AIG1: variants seen among roughly 807,000 people sequenced by gnomAD.
The protein encoded by AIG1 is androgen-induced gene 1 protein.
In AIG1, 23 loss-of-function variants were observed where a neutral mutation model predicts 31.4. That is an observed-to-expected ratio of 0.73 (90% CI 0.53 to 1.04). AIG1 has a LOEUF of 1.04. Among genes scored for constraint, AIG1 ranks in the 50% least tolerant of loss-of-function variants. AIG1 has a pLI of 0.00. For missense variants in AIG1, 274 were observed against 295.0 expected, an observed-to-expected ratio of 0.93 and a Z score of 0.52; for synonymous variants, 100 against 110.5, an observed-to-expected ratio of 0.90 and a Z score of 0.60.
At chr6:143,343,156 C>T, downstream of AIG1, 1 of 743,896 alleles carries the variant, frequency 1.3e-6, no homozygotes, top group Non-Finnish European at 2.5e-6. Context: ...CCAATGTTCA[C>T]ATTCACAGCA....
intron 3 of AIG1, among the ~76,000 whole-genome samples, chr6:143,238,010 A>G (rs1793941764): frequency 6.6e-6 from 1 of 152,108 alleles, no homozygotes; most frequent in African/African-American, 2.4e-5. Flanking sequence ...GCACGATCTC[A>G]GCTCACTGCA....
At chr6:143,118,107 T>G (rs1166067420) in intron 1 of AIG1, among the ~76,000 whole-genome samples, 2 of 152,158 alleles carry the variant, frequency 1.3e-5, no homozygotes, top group African/African-American at 4.8e-5. Context: ...ACAAAAGCAA[T>G]GTAGGTCCAC....
chr6:143,113,325 C>T (rs191539782), intron 1 of AIG1, among the ~76,000 whole-genome samples: 5 of 152,158 alleles, frequency 3.3e-5, no homozygotes, highest in South Asian at 4.1e-4. Context: ...AGATTTCTGG[C>T]GGGGCGTGGG....
intron 3 of AIG1, among the ~76,000 whole-genome samples, chr6:143,257,637 A>G (rs909005895): frequency 3.3e-5 from 5 of 152,022 alleles, no homozygotes; most frequent in Non-Finnish European, 7.4e-5. Context: ...AACATTTCCA[A>G]CCCTAAATGG....
chr6:143,247,859 G>A (rs187900405), intron 3 of AIG1, among the ~76,000 whole-genome samples: 6 of 152,242 alleles, frequency 3.9e-5, no homozygotes, highest in Admixed American at 3.9e-4. Flanking sequence ...TAAATGTTAG[G>A]ACCTGGTTTG....
At chr6:143,320,340 T>A (rs1473947214) in intron 4 of AIG1, among the ~76,000 whole-genome samples, 1 of 152,206 alleles carries the variant, frequency 6.6e-6, no homozygotes, top group East Asian at 1.9e-4. Flanking sequence ...AACTACCATA[T>A]GATCCAGGAT....
At chr6:143,306,623 T>A (rs1583815034) in intron 4 of AIG1, among the ~76,000 whole-genome samples, 1 of 152,250 alleles carries the variant, frequency 6.6e-6, no homozygotes, top group African/African-American at 2.4e-5. Context: ...TCTCTCTGGC[T>A]TCCCTTAACA....
At chr6:143,262,193 G>A (rs1795825599) in intron 3 of AIG1, among the ~76,000 whole-genome samples, 1 of 152,190 alleles carries the variant, frequency 6.6e-6, no homozygotes, top group Non-Finnish European at 1.5e-5. Flanking sequence ...AAAACCACTT[G>A]TAAATTTAAA....
At chr6:143,247,951 T>C (rs992850276) in intron 3 of AIG1, among the ~76,000 whole-genome samples, 12 of 152,182 alleles carry the variant, frequency 7.9e-5, no homozygotes, top group African/African-American at 2.9e-4. Flanking sequence ...AGAGCCTCAC[T>C]GAACACCGTC....
intron 1 of AIG1, among the ~76,000 whole-genome samples, chr6:143,109,848 T>A (rs1008072405): frequency 7.2e-5 from 11 of 152,324 alleles, no homozygotes; most frequent in Admixed American, 7.2e-4. Context: ...CTTTATGACA[T>A]CTTTTGATCA....
intron 3 of AIG1, among the ~76,000 whole-genome samples, chr6:143,194,379 G>A (rs1279721483): frequency 2.6e-5 from 4 of 152,140 alleles, no homozygotes; most frequent in Non-Finnish European, 5.9e-5. Context: ...CACCACCCAC[G>A]AGTTCCCTCC....
chr6:143,234,473 G>T (rs929732792), intron 3 of AIG1, among the ~76,000 whole-genome samples: 1 of 152,194 alleles, frequency 6.6e-6, no homozygotes, highest in African/African-American at 2.4e-5. Context: ...CCCCCACCTG[G>T]TTGGGAGCAT....
chr6:143,281,409 T>C (rs1487143138), intron 3 of AIG1, among the ~76,000 whole-genome samples: 1 of 152,238 alleles, frequency 6.6e-6, no homozygotes, highest in African/African-American at 2.4e-5. Flanking sequence ...GCTGTTCTTA[T>C]GCAGTGATGA....
intron 4 of AIG1, among the ~76,000 whole-genome samples, chr6:143,302,186 T>G (rs541340878): frequency 6.6e-6 from 1 of 151,876 alleles, no homozygotes; most frequent in African/African-American, 2.4e-5. Flanking sequence ...CACTTTTATT[T>G]TTTTATTTTT....
At chr6:143,267,225 C>T (rs938316683) in intron 3 of AIG1, among the ~76,000 whole-genome samples, 31 of 152,200 alleles carry the variant, frequency 2.0e-4, no homozygotes, top group African/African-American at 7.5e-4. Flanking sequence ...AAAGGGTCCT[C>T]TGAAGCCACG....
At chr6:143,270,000 G>A (rs1246427306) in intron 3 of AIG1, among the ~76,000 whole-genome samples, 1 of 152,182 alleles carries the variant, frequency 6.6e-6, no homozygotes, top group Non-Finnish European at 1.5e-5. Context: ...AGTTTATATA[G>A]TGAAGGAAGA....
intron 3 of AIG1, among the ~76,000 whole-genome samples, chr6:143,261,292 C>G (rs971465230): frequency 6.6e-6 from 1 of 152,134 alleles, no homozygotes; most frequent in African/African-American, 2.4e-5. Context: ...CCACCATGCA[C>G]GGGTTATTTT....
chr6:143,324,098 C>T (rs927583237), intron 4 of AIG1, among the ~76,000 whole-genome samples: 3 of 152,164 alleles, frequency 2.0e-5, no homozygotes, highest in Non-Finnish European at 4.4e-5. Context: ...ATATCTTATC[C>T]CACCCTGGGG....
At position 143,330,079 on chromosome 6, in the gene AIG1, A is replaced by T. The variant is rs1776951547; in HGVS notation, c.516-3203A>T. On this transcript the variant is annotated intron_variant, in intron 4 of 5. Coordinates refer to ENST00000357847, the MANE Select transcript of AIG1 (RefSeq NM_016108.4). The surrounding 1 kb of genome is among the most constrained non-coding windows in gnomAD (Gnocchi z 4.4). ...CATATAGTAATGGCTCAATAAACAGATGTTGCTGTTTATATTCCTTCATTA... is the reference window on the plus strand; with the variant it reads ...CATATAGTAATGGCTCAATAAACAGTTGTTGCTGTTTATATTCCTTCATTA... Among the ~76,000 whole-genome samples the T allele has an allele frequency of 6.6e-6, 1 of 152,178 alleles. No homozygotes were observed. Among genetic ancestry groups the T allele is most frequent in the African/African-American group, 2.4e-5 (1 of 41,428 alleles).
Sources: allele counts gnomAD v4.1 joint callset (sites outside exome capture counted in the v4.1 genomes callset), GRCh38; gene constraint gnomAD v4.1.1; non-coding constraint Gnocchi (gnomAD v3.1); transcripts MANE v1.5; gene names NCBI Gene and HGNC (gene_info 2026-07-23, HGNC 2026-07-21).